Variants in DEF8 observed in about 807,000 individuals in gnomAD.
DEF8 encodes the protein differentially expressed in FDCP 8 homolog.
A neutral mutation model predicts 59.1 loss-of-function variants in DEF8; 38 were observed. The ratio of observed to expected loss-of-function variants is 0.64; its 90% CI spans 0.50 to 0.84. DEF8 has a LOEUF of 0.84. Among genes scored for constraint, DEF8 ranks in the 40% least tolerant of loss-of-function variants. DEF8 has a pLI of 0.00. For missense variants in DEF8, 557 were observed against 615.2 expected (o/e 0.91, Z 1.00); for synonymous variants, 265 against 250.1 (o/e 1.06, Z -0.56).
At chr16:89,956,961 C>T (rs144098483) in intron 4 of DEF8, 1 of 152,434 alleles carries the variant, frequency 6.6e-6, no homozygotes, top group South Asian at 2.1e-4. Context: ...TCCAGGCTCC[C>T]CAGCACTGAG....
rs1347118771 is a variant in DEF8 at position 89,965,921 on chromosome 16, G to A, written c.1314G>A (p.Lys438=). 1.9e-6 allele frequency: 3 copies of A among 1,613,698 alleles called. No individual in the cohort carries two copies. Among genetic ancestry groups the A allele is most frequent in the Non-Finnish European group, 2.5e-6 (3 of 1,179,788 alleles). ...CPKCARLSLR[K]QSLFQEPGPD... is the part of the protein sequence containing the mutation. ...AGTGTGCCCGGCTCAGCCTGAGGAAGCAGTCGCTCTTCCAGGAGCCAGGTC... is the reference window on the plus strand; with the variant it reads ...AGTGTGCCCGGCTCAGCCTGAGGAAACAGTCGCTCTTCCAGGAGCCAGGTC... Residue 438 remains lysine (K), a synonymous_variant, in exon 13 of 13, where the codon AAG becomes AAA. Coordinates refer to ENST00000563594, the MANE Select transcript of DEF8 (RefSeq NM_001242818.2).
chr16:89,957,642 G>A lies in DEF8; in HGVS notation c.354G>A (p.Leu118=). ...TGGTGCGACTCATCCACCTCCGGCT[G>A]AAGCTCCAGGAGCTGAAGGTGGGTG... is the stretch of plus-strand genomic sequence containing the variant. ...DAVVRLIHLR[L]KLQELKDPNE... is the part of the protein sequence containing the mutation. The change falls in exon 5 of 13, where the codon CTG becomes CTA. Residue 118 remains leucine, a synonymous_variant. Coordinates refer to ENST00000563594, the MANE Select transcript of DEF8 (RefSeq NM_001242818.2). 6.4e-7 allele frequency: 1 copy of A among 1,565,226 alleles called. No individual in the cohort carries two copies. Among genetic ancestry groups the A allele is most frequent in the Non-Finnish European group, 8.7e-7 (1 of 1,154,938 alleles).
At chr16:89,961,297 C>T (rs114654678) in intron 7 of DEF8, among the ~76,000 whole-genome samples, 1,877 of 152,310 alleles carry the variant, frequency 0.012, 44 homozygotes, top group African/African-American at 0.043. Context: ...CCAGCCGTTC[C>T]GTGACTCACC....
intron 2 of DEF8, among the ~76,000 whole-genome samples, chr16:89,950,939 C>G (rs1454937793): frequency 1.3e-5 from 2 of 152,150 alleles, no homozygotes; most frequent in Admixed American, 6.5e-5. Flanking sequence ...TGTGATCGCA[C>G]CACTGCACTC....
At chr16:89,963,558 C>T (rs2034301504) in intron 10 of DEF8, 115 bp downstream of exon 10, 7 of 747,406 alleles carry the variant, frequency 9.4e-6, no homozygotes, top group East Asian at 8.2e-5. Flanking sequence ...AGCAGAGGGT[C>T]GCCTCACCAC....
chr16:89,962,546 C>T (rs1206363073), intron 9 of DEF8, among the ~76,000 whole-genome samples: 2 of 152,022 alleles, frequency 1.3e-5, no homozygotes, highest in Non-Finnish European at 2.9e-5. Context: ...ATCCCAGCTA[C>T]TCGGGAGGCT....
intron 5 of DEF8, chr16:89,958,505 T>C (rs1224007684): frequency 6.0e-6 from 1 of 167,060 alleles, no homozygotes; most frequent in Admixed American, 5.5e-5. Context: ...CCTGGGAATG[T>C]AGAAAGTAGA....
chr16:89,950,134 C>T, intron 2 of DEF8: 5 of 987,838 alleles, frequency 5.1e-6, no homozygotes, highest in African/African-American at 1.7e-5. Flanking sequence ...GCCAGCGTGC[C>T]TTCCTTGACG....
intron 6 of DEF8, among the ~76,000 whole-genome samples, chr16:89,960,540 CAGAG>C (rs1207427527): frequency 5.3e-5 from 8 of 150,844 alleles, no homozygotes; most frequent in African/African-American, 1.2e-4. Context: ...ACAACAAAAA[CAGAG>C]AGAGAGAAAC....
chr16:89,959,851 A>G (rs1416720420), intron 6 of DEF8, among the ~76,000 whole-genome samples: 2 of 152,240 alleles, frequency 1.3e-5, no homozygotes, highest in Non-Finnish European at 2.9e-5. Flanking sequence ...AGCCAAGACA[A>G]TATGTCTGGA....
intron 2 of DEF8, among the ~76,000 whole-genome samples, chr16:89,951,475 C>T (rs775441006): frequency 6.6e-6 from 1 of 152,152 alleles, no homozygotes; most frequent in Non-Finnish European, 1.5e-5. Context: ...GAACTGCTCA[C>T]CTCAGGTGAT....
intron 9 of DEF8, 148 bp from the exon 10 acceptor site, chr16:89,963,215 T>G: frequency 1.7e-6 from 1 of 591,870 alleles, no homozygotes. Context: ...GGAGCTGTGA[T>G]TTTGGGTTTT....
intron 6 of DEF8, among the ~76,000 whole-genome samples, chr16:89,959,847 G>C (rs906148917): frequency 1.3e-5 from 2 of 152,108 alleles, no homozygotes; most frequent in African/African-American, 4.8e-5. Flanking sequence ...AGCAAGCCAA[G>C]ACAATATGTC....
intron 6 of DEF8, among the ~76,000 whole-genome samples, chr16:89,960,555 C>A (rs1224271640): frequency 6.6e-6 from 1 of 151,562 alleles, no homozygotes; most frequent in Admixed American, 6.6e-5. Flanking sequence ...AGAGAGAAAC[C>A]CTTCAGGATA....
intron 5 of DEF8, chr16:89,958,568 A>G (rs1480132850): frequency 1.1e-5 from 2 of 175,560 alleles, no homozygotes; most frequent in African/African-American, 2.4e-5. Flanking sequence ...ACCCCAAAAC[A>G]TAGTGGCTTA....
chr16:89,967,554 G>T lies in DEF8; in HGVS notation c.*1591G>T. 2.5e-6 allele frequency: 1 copy of T among 398,318 alleles called. No homozygotes were observed. The highest frequency in any genetic ancestry group is 1.3e-4 in the South Asian group (1 of 7,536). 24.7% of individuals were successfully genotyped at this position (398,318 alleles called of 1,614,324 possible). A position where few individuals can be genotyped will look rare whatever the true frequency, so the allele number is the denominator to read the frequency against. On this transcript the variant is annotated 3_prime_UTR_variant, in exon 13 of 13. Transcript: ENST00000563594. Reference sequence around the variant, plus strand: ...GCAGGGAACATGTCGGAGTCCTTCAGAGAATGTGATGTGAGGTTGGATCAA... The same window carrying T: ...GCAGGGAACATGTCGGAGTCCTTCATAGAATGTGATGTGAGGTTGGATCAA...
At chr16:89,949,853 G>C (rs2031664137) in intron 2 of DEF8, among the ~76,000 whole-genome samples, 1 of 152,170 alleles carries the variant, frequency 6.6e-6, no homozygotes. Context: ...CCCACATCTG[G>C]GTGCAGAACT....
At chr16:89,957,761 GTC>G (rs1293823041) in intron 5 of DEF8, 101 bp downstream of exon 5, 4 of 1,386,048 alleles carry the variant, frequency 2.9e-6, no homozygotes, top group Middle Eastern at 2.6e-4. Flanking sequence ...TCAGGCGGTG[GTC>G]TCTCTCTCGG....
At chr16:89,950,803 G>A (rs529977384) in intron 2 of DEF8, among the ~76,000 whole-genome samples, 13 of 152,210 alleles carry the variant, frequency 8.5e-5, no homozygotes, top group Non-Finnish European at 1.6e-4. Flanking sequence ...ATCAGAGTGA[G>A]ACTCCGTCTC....
Sources: gnomAD v4.1 joint callset for allele counts (sites outside exome capture counted in the v4.1 genomes callset) on GRCh38, gnomAD v4.1.1 for gene constraint, MANE v1.5 for transcripts, NCBI Gene and HGNC (gene_info 2026-07-23, HGNC 2026-07-21) for gene names.